DNAJC24: variants seen among roughly 807,000 people sequenced by gnomAD.
DNAJC24 encodes the protein DnaJ heat shock protein family (Hsp40) member C24, also known as dnaJ homolog subfamily C member 24.
In DNAJC24, 17 loss-of-function variants were observed where a neutral mutation model predicts 18.0. The ratio of observed to expected loss-of-function variants is 0.94; its 90% CI spans 0.65 to 1.42. The LOEUF (loss-of-function observed/expected upper bound fraction) is 1.42. DNAJC24 is among the 40% of genes most tolerant of loss of function. The pLI, the probability that DNAJC24 is intolerant of heterozygous loss-of-function variation, is 0.00. For missense variants in DNAJC24, 158 were observed against 175.6 expected, an observed-to-expected ratio of 0.90 and a Z score of 0.57; for synonymous variants, 55 against 57.7, an observed-to-expected ratio of 0.95 and a Z score of 0.21.
chr11:31,393,305 G>A (rs977030908), intron 2 of DNAJC24, among the ~76,000 whole-genome samples: 11 of 152,150 alleles, frequency 7.2e-5, no homozygotes, highest in African/African-American at 2.4e-4. Flanking sequence ...GCACATAGGA[G>A]CCTTATATGC....
intron 2 of DNAJC24, among the ~76,000 whole-genome samples, chr11:31,377,459 G>A (rs181848676): frequency 1.9e-4 from 29 of 152,052 alleles, no homozygotes; most frequent in South Asian, 1.2e-3. Context: ...TTGGCCTGCC[G>A]TGTAATAGTT....
chr11:31,378,500 G>C (rs1253101910), intron 2 of DNAJC24, among the ~76,000 whole-genome samples: 2 of 152,100 alleles, frequency 1.3e-5, no homozygotes, highest in Non-Finnish European at 2.9e-5. Flanking sequence ...ACTCTGCAAA[G>C]TGCAATATCA....
In DNAJC24 at chr11:31,414,501, C is replaced by A. The variant is rs146530178; in HGVS notation, c.112-310C>A. ...CCTGCTTGTCTGCACGTACCTATTT[C>A]TATTTGTGTTAGTCATCCTCTCTAG... On this transcript the variant is annotated intron_variant, in intron 2 of 4. Coordinates refer to ENST00000465995, the MANE Select transcript of DNAJC24 (RefSeq NM_181706.5). Among the ~76,000 whole-genome samples, 79 of 152,270 alleles carry A rather than the reference C, an allele frequency of 5.2e-4. 1 individual carries two copies. The highest frequency in any genetic ancestry group is 1.7e-3 in the African/African-American group (70 of 41,570).
chr11:31,415,194 T>G (rs902034056), intron 3 of DNAJC24: 1 of 376,312 alleles, frequency 2.7e-6, no homozygotes. Flanking sequence ...TTTTATAACA[T>G]TTGAAAAATG....
chr11:31,425,176 C>A (rs1952849483), intron 3 of DNAJC24, among the ~76,000 whole-genome samples: 2 of 151,994 alleles, frequency 1.3e-5, no homozygotes, highest in African/African-American at 4.8e-5. Context: ...CTTCCATCTG[C>A]AGCAAAAACT....
At chr11:31,422,050 T>G (rs1369333697) in intron 3 of DNAJC24, 3 of 394,316 alleles carry the variant, frequency 7.6e-6, no homozygotes, top group Non-Finnish European at 1.5e-5. Flanking sequence ...CAGAATTCTT[T>G]CACCTCTTGT....
chr11:31,397,830 C>T (rs1045092328), intron 2 of DNAJC24, among the ~76,000 whole-genome samples: 2 of 151,358 alleles, frequency 1.3e-5, no homozygotes, highest in Non-Finnish European at 2.9e-5. Context: ...TATTTTCCCC[C>T]GAGATGGAGT....
intron 2 of DNAJC24, chr11:31,384,807 G>A (rs1952412117): frequency 6.6e-6 from 1 of 152,124 alleles, no homozygotes; most frequent in African/African-American, 2.4e-5. Flanking sequence ...TAGCTAGTCT[G>A]AAGATATGTT....
intron 4 of DNAJC24, among the ~76,000 whole-genome samples, chr11:31,428,556 G>A (rs959439828): frequency 2.0e-5 from 3 of 152,130 alleles, no homozygotes; most frequent in Non-Finnish European, 4.4e-5. Context: ...GGAAAGTGAA[G>A]CTCCAGAACA....
chr11:31,423,675 T>C (rs1343314079), intron 3 of DNAJC24, among the ~76,000 whole-genome samples: 3 of 152,188 alleles, frequency 2.0e-5, no homozygotes, highest in Non-Finnish European at 4.4e-5. Context: ...CAGTGTGTTA[T>C]ATTTTTTTGT....
At chr11:31,396,398 G>A (rs540364404) in intron 2 of DNAJC24, 158 of 399,430 alleles carry the variant, frequency 4.0e-4, no homozygotes, top group Non-Finnish European at 6.4e-4. Context: ...TTTGGAGGTC[G>A]GTTAGCCCCT....
At chr11:31,429,489 C>G in intron 4 of DNAJC24, 1 of 398,930 alleles carries the variant, frequency 2.5e-6, no homozygotes, top group Non-Finnish European at 5.4e-6. Flanking sequence ...ACAGTTACTT[C>G]TCAGAGACAG....
At chr11:31,376,592 T>G (rs921849986) in intron 2 of DNAJC24, among the ~76,000 whole-genome samples, 6 of 152,204 alleles carry the variant, frequency 3.9e-5, no homozygotes, top group African/African-American at 1.4e-4. Context: ...AAATGAAGGC[T>G]TACTTACAGT....
chr11:31,378,678 G>A (rs897462311), intron 2 of DNAJC24, among the ~76,000 whole-genome samples: 2 of 151,288 alleles, frequency 1.3e-5, no homozygotes, highest in Non-Finnish European at 2.9e-5. Context: ...TATTCCTATC[G>A]CATAAATGCA....
chr11:31,396,386 A>T, intron 2 of DNAJC24: 1 of 419,296 alleles, frequency 2.4e-6, no homozygotes, highest in Non-Finnish European at 4.7e-6. Context: ...GGCTCAGGGG[A>T]CTTTGGAGGT....
chr11:31,417,413 ATGAACT>A (rs1952760006), intron 3 of DNAJC24: 2 of 152,226 alleles, frequency 1.3e-5, no homozygotes, highest in Non-Finnish European at 2.9e-5. Context: ...AAAAAAGGAA[ATGAACT>A]TGAACATCTC....
rs945066828 is a variant in DNAJC24 at position 31,401,606 on chromosome 11, ATC to A, written c.112-13200_112-13199del. ...GGAGCTATCAGGAATCTCAGAATCA[ATC>A]TCTCAATTTTGTCTCAAAGGCAGTC... is the stretch of plus-strand genomic sequence containing the variant. On this transcript the variant is annotated intron_variant, in intron 2 of 4. Transcript: ENST00000465995. 5.9e-5 allele frequency among the ~76,000 whole-genome samples: 9 copies of A among 152,144 alleles called. 1 individual carries two copies. Among genetic ancestry groups the A allele is most frequent in the Admixed American group, 6.5e-5 (1 of 15,280 alleles).
Position 31,426,329 on chromosome 11 carries a change from A to G in DNAJC24, c.293A>G (p.Tyr98Cys). The change falls in exon 4 of 5, where the codon TAT becomes TGT. Residue 98 changes from tyrosine (Y) to cysteine (C), a missense_variant. Coordinates refer to ENST00000465995, the MANE Select transcript of DNAJC24 (RefSeq NM_181706.5). Reference protein sequence around the residue: ...RNVGPVDAQVYLEEMSWNEGD... With the variant: ...RNVGPVDAQVCLEEMSWNEGD... Reference sequence around the variant, plus strand: ...GTAGGACCAGTAGATGCTCAAGTATATCTTGAAGAAATGTCTTGGAATGAA... The same window carrying G: ...GTAGGACCAGTAGATGCTCAAGTATGTCTTGAAGAAATGTCTTGGAATGAA... 1 of 1,569,058 alleles carries G rather than the reference A, an allele frequency of 6.4e-7. No individual in the cohort carries two copies. Among genetic ancestry groups the G allele is most frequent in the South Asian group, 1.2e-5 (1 of 83,100 alleles).
chr11:31,416,494 AC>A (rs1286530360), intron 3 of DNAJC24: 1 of 152,174 alleles, frequency 6.6e-6, no homozygotes, highest in Admixed American at 6.5e-5. Flanking sequence ...GTGTTTTTGC[AC>A]ATCTTTACTA....
Sources: gnomAD v4.1 joint callset for allele counts (sites outside exome capture counted in the v4.1 genomes callset) on GRCh38, gnomAD v4.1.1 for gene constraint, MANE v1.5 for transcripts, NCBI Gene and HGNC (gene_info 2026-07-23, HGNC 2026-07-21) for gene names.